Variants in TRMT11 observed in about 807,000 individuals in gnomAD.
TRMT11 encodes the protein tRNA methyltransferase 11.
TRMT11 carries 53 observed loss-of-function variants against 62.8 expected under a neutral mutation model. That is an observed-to-expected ratio of 0.84 (90% confidence interval 0.68 to 1.06). TRMT11 has a LOEUF of 1.06. Among genes scored for constraint, TRMT11 ranks in the 50% least tolerant of loss-of-function variants. The pLI is 0.00. For missense variants in TRMT11, 556 were observed against 553.4 expected, an observed-to-expected ratio of 1.00 and a Z score of -0.05; for synonymous variants, 188 against 190.3, an observed-to-expected ratio of 0.99 and a Z score of 0.10.
At chr6:126,147,820 TA>T (rs565304590) in intron 21 of TRMT11, among the ~76,000 whole-genome samples, 518 of 147,228 alleles carry the variant, frequency 3.5e-3, no homozygotes, top group Non-Finnish European at 5.8e-3. Context: ...GGAAGGCATT[TA>T]AAAAAAAAAG....
At chr6:126,191,647 T>G (rs1778602206) in intron 1 of TRMT11, among the ~76,000 whole-genome samples, 1 of 152,018 alleles carries the variant, frequency 6.6e-6, no homozygotes, top group Non-Finnish European at 1.5e-5. Flanking sequence ...GGTATTTAGT[T>G]CCTTCTTCTG....
At chr6:126,085,792 T>G (rs181772985) in intron 17 of TRMT11, among the ~76,000 whole-genome samples, 1 of 152,336 alleles carries the variant, frequency 6.6e-6, no homozygotes, top group East Asian at 1.9e-4. Context: ...GTCCAAACAC[T>G]CTGTACATCA....
downstream of TRMT11, among the ~76,000 whole-genome samples, chr6:126,205,735 A>T (rs1449512602): frequency 6.6e-6 from 1 of 152,104 alleles, no homozygotes; most frequent in Non-Finnish European, 1.5e-5. Context: ...GTGTATTCTT[A>T]TCTCTCTTTC....
intron 17 of TRMT11, among the ~76,000 whole-genome samples, chr6:126,093,927 G>T (rs1169579560): frequency 6.6e-6 from 1 of 151,966 alleles, no homozygotes; most frequent in African/African-American, 2.4e-5. Context: ...TTAACAAAAT[G>T]CTTTACTCAG....
At chr6:126,082,912 C>T (rs151176826) in intron 17 of TRMT11, among the ~76,000 whole-genome samples, 1 of 152,126 alleles carries the variant, frequency 6.6e-6, no homozygotes, top group Non-Finnish European at 1.5e-5. Context: ...CAATAAGCAA[C>T]ATGAAACAGC....
chr6:126,040,350 G>A (rs1775838712), downstream of TRMT11, among the ~76,000 whole-genome samples: 2 of 152,056 alleles, frequency 1.3e-5, no homozygotes, highest in Admixed American at 1.3e-4. Flanking sequence ...GCTTATTTTT[G>A]TATTAATCAG....
intron 17 of TRMT11, among the ~76,000 whole-genome samples, chr6:126,060,769 C>T (rs1406188198): frequency 1.3e-5 from 2 of 152,126 alleles, no homozygotes; most frequent in Non-Finnish European, 2.9e-5. Context: ...AGAACAGTGC[C>T]CCATTTGAAG....
At position 126,196,407 on chromosome 6, in the gene TRMT11, G is replaced by C. The variant is rs190319917; in HGVS notation, n.144-2392G>C. Among the ~76,000 whole-genome samples, 812 of 152,110 alleles carry C rather than the reference G, an allele frequency of 5.3e-3. 8 individuals are homozygous for C. Among genetic ancestry groups the C allele is most frequent in the African/African-American group, 0.018 (730 of 41,500 alleles). On this transcript the variant is annotated intron_variant and non_coding_transcript_variant, in intron 1 of 3. Transcript: ENST00000444229. Reference sequence around the variant, plus strand: ...TAAGTTGTAAAATAACATCAAGAAAGCTCCCTTAATTGGGGCATCAAAATC... The same window carrying C: ...TAAGTTGTAAAATAACATCAAGAAACCTCCCTTAATTGGGGCATCAAAATC...
chr6:126,006,108 T>G (rs1309770540), intron 7 of TRMT11, among the ~76,000 whole-genome samples: 1 of 152,002 alleles, frequency 6.6e-6, no homozygotes, highest in African/African-American at 2.4e-5. Flanking sequence ...TTATATAATA[T>G]TCTCTTTCGC....
chr6:126,096,777 G>GT lies in TRMT11; in HGVS notation c.*1438-16084dup. 2.0e-5 allele frequency among the ~76,000 whole-genome samples: 3 copies of GT among 152,210 alleles called. No homozygotes were observed. The South Asian group carries it at 6.2e-4, about 32-fold the overall frequency. On this transcript the variant is annotated intron_variant and NMD_transcript_variant, in intron 17 of 22. Coordinates refer to the TRMT11 transcript ENST00000648977. ...CACAGTCATATTTCTCCTATAAATA[G>GT]TTTTTGGCTTGTACCAGGAATCTGT...
At chr6:126,218,608 G>A in the TRMT11 span, among the ~76,000 whole-genome samples, 4 of 152,198 alleles carry the variant, frequency 2.6e-5, no homozygotes, top group Admixed American at 2.0e-4. Context: ...GCAAGACAAA[G>A]TCCTTTTTAC....
intron 2 of TRMT11, among the ~76,000 whole-genome samples, chr6:125,995,251 C>T (rs1448058353): frequency 1.3e-5 from 2 of 152,138 alleles, no homozygotes; most frequent in Non-Finnish European, 2.9e-5. Flanking sequence ...GAATGACTTT[C>T]ACTTATTGAG....
intron 17 of TRMT11, among the ~76,000 whole-genome samples, chr6:126,054,874 GCT>G (rs1355175994): frequency 1.3e-5 from 2 of 152,202 alleles, no homozygotes; most frequent in Non-Finnish European, 1.5e-5. Flanking sequence ...AAAGAAAACA[GCT>G]CAGAACTCCC....
chr6:126,215,178 T>C, the TRMT11 span, among the ~76,000 whole-genome samples: 4 of 152,076 alleles, frequency 2.6e-5, no homozygotes, highest in South Asian at 2.1e-4. Flanking sequence ...CTGGACAAAA[T>C]GTTCTGGAAA....
chr6:126,213,937 G>C, the TRMT11 span, among the ~76,000 whole-genome samples: 1 of 151,934 alleles, frequency 6.6e-6, no homozygotes, highest in Non-Finnish European at 1.5e-5. Context: ...GTTTTTTGAG[G>C]CTTTTTATTA....
upstream of TRMT11, among the ~76,000 whole-genome samples, chr6:126,175,227 A>C (rs1317202787): frequency 1.3e-5 from 2 of 152,228 alleles, no homozygotes; most frequent in African/African-American, 4.8e-5. Flanking sequence ...CAATAGATCA[A>C]GGTATAGAAG....
chr6:126,015,887 G>A lies in TRMT11; in HGVS notation c.1139+2786G>A, dbSNP rs115689746. On this transcript the variant is annotated intron_variant, in intron 11 of 12. Transcript: ENST00000334379. ...CCATCTGATGTTTCTTCTATGACCA[G>A]AATGAGGTCATGCTTTCTTGGTAGG... 7.6e-3 allele frequency among the ~76,000 whole-genome samples: 1,151 copies of A among 152,240 alleles called. 14 individuals carry two copies. Among genetic ancestry groups the A allele is most frequent in the African/African-American group, 0.026 (1,096 of 41,532 alleles).
Position 126,115,306 on chromosome 6 carries a change from G to A in TRMT11, c.*1562-39G>A, listed in dbSNP as rs564630777. Reference sequence around the variant, plus strand: ...CTGTAGTTCTTGACTTTGCCTGTACGTTATAAACACTTGGTATTTTAATAT... The same window carrying A: ...CTGTAGTTCTTGACTTTGCCTGTACATTATAAACACTTGGTATTTTAATAT... On this transcript the variant is annotated intron_variant and NMD_transcript_variant, in intron 19 of 22. Transcript: ENST00000648977. 5.3e-5 allele frequency among the ~76,000 whole-genome samples: 8 copies of A among 152,186 alleles called. No homozygotes were observed. In the South Asian group the frequency reaches 6.2e-4, roughly 12 times the overall value.
At chr6:126,126,586 A>G (rs1034266244) in intron 21 of TRMT11, among the ~76,000 whole-genome samples, 2 of 152,086 alleles carry the variant, frequency 1.3e-5, no homozygotes, top group African/African-American at 4.8e-5. Context: ...CCATTTATCA[A>G]ACCTCACGCT....
Sources: gnomAD v4.1 joint callset for allele counts (sites outside exome capture counted in the v4.1 genomes callset) on GRCh38, gnomAD v4.1.1 for gene constraint, MANE v1.5 for transcripts, NCBI Gene and HGNC (gene_info 2026-07-23, HGNC 2026-07-21) for gene names.